Variants in AMPD3 observed in about 807,000 individuals in gnomAD.
AMPD3 encodes AMP deaminase 3.
In AMPD3, 57 loss-of-function variants were observed where a neutral mutation model predicts 82.3. The ratio of observed to expected loss-of-function variants is 0.69; its 90% confidence interval spans 0.56 to 0.86. The LOEUF (loss-of-function observed/expected upper bound fraction) is 0.86, where lower values mean the gene tolerates loss of function less well. AMPD3 is among the 40% of genes least tolerant of loss of function. The probability of loss-of-function intolerance (pLI) is 0.00; values close to 1 mark genes in which losing one functional copy is unlikely to be tolerated. For missense variants in AMPD3, 870 were observed against 1,003.8 expected, an observed-to-expected ratio of 0.87 and a Z score of 1.80; for synonymous variants, 381 against 394.7, an observed-to-expected ratio of 0.97 and a Z score of 0.41.
intron 6 of AMPD3, among the ~76,000 whole-genome samples, chr11:10,491,220 C>G (rs1409691740): frequency 6.6e-6 from 1 of 152,158 alleles, no homozygotes; most frequent in Non-Finnish European, 1.5e-5. Context: ...GTCGTCCTCC[C>G]CCGGAGCTCC....
intron 1 of AMPD3, among the ~76,000 whole-genome samples, chr11:10,459,714 A>G (rs1025423949): frequency 2.6e-5 from 4 of 152,136 alleles, no homozygotes; most frequent in East Asian, 3.9e-4. Flanking sequence ...TCCATTCCAC[A>G]AGTGTTATGC....
intron 2 of AMPD3, among the ~76,000 whole-genome samples, chr11:10,474,124 T>C (rs1342149247): frequency 1.3e-5 from 2 of 152,306 alleles, no homozygotes; most frequent in East Asian, 3.9e-4. Context: ...CCAACCACAC[T>C]GTATGATAAT....
intron 3 of AMPD3, among the ~76,000 whole-genome samples, chr11:10,480,187 G>A (rs1300335148): frequency 1.3e-5 from 2 of 152,250 alleles, no homozygotes; most frequent in African/African-American, 4.8e-5. Context: ...CACGCAGTAG[G>A]TCTGCTGTCA....
intron 2 of AMPD3, among the ~76,000 whole-genome samples, chr11:10,469,873 T>C (rs1156448504): frequency 6.6e-6 from 1 of 151,828 alleles, no homozygotes; most frequent in East Asian, 1.9e-4. Context: ...ACCCCGTCTC[T>C]ACTAAAAATA....
In AMPD3 at chr11:10,456,007, C is replaced by G. The variant is rs1848082405; in HGVS notation, c.-6+559C>G. 1 of 985,278 alleles carries G rather than the reference C, an allele frequency of 1.0e-6. No homozygotes were observed. The highest frequency in any genetic ancestry group is 1.2e-6 in the Non-Finnish European group (1 of 829,936). 61.0% of individuals were successfully genotyped at this position (985,278 alleles called of 1,614,324 possible). A position where few individuals can be genotyped will look rare whatever the true frequency, so the allele number is the denominator to read the frequency against. On this transcript the variant is annotated intron_variant, in intron 1 of 14. Transcript: ENST00000396553. This position sits in a 1 kb window ranked among gnomAD's most constrained non-coding sequence, Gnocchi z 4.3. Reference sequence around the variant, plus strand: ...GGAGGCTGTGGCTTATCTCCTGCAGCTGGGCAGGACGGCTGAGTTTACTGT... The same window carrying G: ...GGAGGCTGTGGCTTATCTCCTGCAGGTGGGCAGGACGGCTGAGTTTACTGT...
At chr11:10,465,865 G>C (rs770167783) in intron 2 of AMPD3, among the ~76,000 whole-genome samples, 1 of 146,930 alleles carries the variant, frequency 6.8e-6, no homozygotes, top group East Asian at 2.0e-4. Flanking sequence ...CGCCTGGAGC[G>C]CCAGCAAGAC....
intron 2 of AMPD3, among the ~76,000 whole-genome samples, chr11:10,467,051 T>A (rs898430760): frequency 2.0e-5 from 3 of 152,148 alleles, no homozygotes; most frequent in Non-Finnish European, 2.9e-5. Context: ...TCCACGAAGA[T>A]GGGGATGTAA....
chr11:10,461,622 A>G lies in AMPD3; in HGVS notation c.103A>G (p.Lys35Glu). ...TAAAGTGCTCCGAGAAGAGGACAGC[A>G]AAGATGCCCTGTCCCTGTTCACTGT... ...FAKVLREEDS[K>E]DALSLFTVPE... Residue 35 changes from lysine (K) to glutamate (E), a missense_variant, in exon 2 of 15, where the codon AAA becomes GAA. Lys to Glu is a moderately conservative substitution (Grantham distance 56, BLOSUM62 1). Transcript: ENST00000396553. 6.2e-7 allele frequency: 1 copy of G among 1,614,272 alleles called. No individual in the cohort carries two copies. The highest frequency in any genetic ancestry group is 8.5e-7 in the Non-Finnish European group (1 of 1,180,046).
Position 10,505,942 on chromosome 11 carries a change from A to G in AMPD3, c.*58A>G. On this transcript the variant is annotated 3_prime_UTR_variant, in exon 15 of 15. Coordinates refer to ENST00000396553, the MANE Select transcript of AMPD3 (RefSeq NM_001025389.2). The stretch of plus-strand genomic sequence containing the variant: ...GTTCAATTTCAAGTCTGCTGTGGCT[A>G]ATAGTGGTCAAGATTCCGAACTAGG... 1 of 1,595,370 alleles carries G rather than the reference A, an allele frequency of 6.3e-7. No homozygotes were observed. Among genetic ancestry groups the G allele is most frequent in the South Asian group, 1.1e-5 (1 of 90,632 alleles).
rs1375463340 is a variant in AMPD3, at chr11:10,506,595, G to A, written c.*711G>A. The stretch of plus-strand genomic sequence containing the variant: ...TTTAGGGTAGGGGAGGGAAGGGAGT[G>A]AGTGATGCTCAGGGGCTGTCAAAGT... On this transcript the variant is annotated 3_prime_UTR_variant, in exon 15 of 15. Transcript: ENST00000396553. This position sits in a 1 kb window ranked among gnomAD's most constrained non-coding sequence, Gnocchi z 4.1. 1 of 153,590 alleles carries A rather than the reference G, an allele frequency of 6.5e-6. No homozygotes were observed. The highest frequency in any genetic ancestry group is 1.9e-4 in the East Asian group (1 of 5,194). 9.5% of individuals were successfully genotyped at this position (153,590 alleles called of 1,614,324 possible).
chr11:10,456,053 T>G lies in AMPD3; in HGVS notation c.-6+605T>G. 9.4e-7 allele frequency: 1 copy of G among 1,066,844 alleles called. No homozygotes were observed. Among genetic ancestry groups the G allele is most frequent in the Non-Finnish European group, 1.1e-6 (1 of 881,770 alleles). The allele number at this position is 1,066,844 out of a possible 1,614,324, so 66.1% of individuals were successfully genotyped here. A position where few individuals can be genotyped will look rare whatever the true frequency, so the allele number is the denominator to read the frequency against. On this transcript the variant is annotated intron_variant, in intron 1 of 14. Transcript: ENST00000396553. This position sits in a 1 kb window ranked among gnomAD's most constrained non-coding sequence, Gnocchi z 4.3. ...ACTGTTGTAAAGAGGAAGCCGCCGC[T>G]TTAGTTTCCTCTTGTGAGGGCTGTG... is the stretch of plus-strand genomic sequence containing the variant.
In AMPD3 at chr11:10,505,805, G is replaced by A. The variant is rs1375048503; in HGVS notation, c.2225G>A (p.Arg742Gln). The A allele has an allele frequency of 4.3e-6, 7 of 1,614,044 alleles. No homozygotes were observed. Among genetic ancestry groups the A allele is most frequent in the African/African-American group, 2.7e-5 (2 of 74,926 alleles). Residue 742 changes from arginine (R) to glutamine (Q), a missense_variant, in exon 15 of 15, where the codon CGA becomes CAA. Arg to Gln is a conservative substitution (Grantham distance 43, BLOSUM62 1). Coordinates refer to ENST00000396553, the MANE Select transcript of AMPD3 (RefSeq NM_001025389.2). Reference sequence around the variant, plus strand: ...GTGGCTCAGATCCGGATGGCATTCCGATATGAGACCTTATGCAATGAGCTC... The same window carrying A: ...GTGGCTCAGATCCGGATGGCATTCCAATATGAGACCTTATGCAATGAGCTC... ...TNVAQIRMAF[R>Q]YETLCNELSF... is the part of the protein sequence containing the mutation.
intron 2 of AMPD3, among the ~76,000 whole-genome samples, chr11:10,475,870 G>C (rs892086145): frequency 3.3e-5 from 5 of 152,222 alleles, no homozygotes; most frequent in Middle Eastern, 3.4e-3. Context: ...AGCCTTGTGG[G>C]CACTAGACCT....
intron 6 of AMPD3, among the ~76,000 whole-genome samples, chr11:10,489,570 C>T (rs1262105548): frequency 6.6e-6 from 1 of 152,060 alleles, no homozygotes; most frequent in Admixed American, 6.5e-5. Flanking sequence ...ATATCTATGA[C>T]CCAGTGGCCT....
chr11:10,460,053 A>G (rs1225864984), intron 1 of AMPD3, among the ~76,000 whole-genome samples: 1 of 106,538 alleles, frequency 9.4e-6, no homozygotes, highest in Non-Finnish European at 2.0e-5. Context: ...TATATATTAT[A>G]TATAATATAT....
In AMPD3 at chr11:10,482,050, C is replaced by T. The variant is rs374707086; in HGVS notation, c.427-13C>T. 7.6e-4 allele frequency: 1,222 copies of T among 1,614,072 alleles called. 5 individuals carry two copies. Among genetic ancestry groups the T allele is most frequent in the Non-Finnish European group, 1.0e-3 (1,197 of 1,180,044 alleles). ...GCTGCATGAACCCTTTCCTGCCTGC[C>T]TCCCTTCTGCAGATCACTTTGGAGG... is the stretch of plus-strand genomic sequence containing the variant. On this transcript the variant is annotated splice_polypyrimidine_tract_variant and intron_variant, in intron 3 of 14. Coordinates refer to ENST00000396553, the MANE Select transcript of AMPD3 (RefSeq NM_001025389.2).
At chr11:10,482,687 ATATATAT>A (rs67126274) in intron 4 of AMPD3, among the ~76,000 whole-genome samples, 105,669 of 151,124 alleles carry the variant, frequency 0.7, 37,043 homozygotes, top group Admixed American at 0.76. Flanking sequence ...AATTAAAAAA[ATATATAT>A]TATTATGTTT....
At position 10,456,006 on chromosome 11, in the gene AMPD3, G is replaced by A; in HGVS notation, c.-6+558G>A. The A allele has an allele frequency of 3.0e-6, 3 of 985,444 alleles. No individual in the cohort carries two copies. Among genetic ancestry groups the A allele is most frequent in the Non-Finnish European group, 3.6e-6 (3 of 829,942 alleles). The allele number at this position is 985,444 out of a possible 1,614,324, so 61.0% of individuals were successfully genotyped here. On this transcript the variant is annotated intron_variant, in intron 1 of 14. Coordinates refer to ENST00000396553, the MANE Select transcript of AMPD3 (RefSeq NM_001025389.2). This position sits in a 1 kb window ranked among gnomAD's most constrained non-coding sequence, Gnocchi z 4.3. ...GGGAGGCTGTGGCTTATCTCCTGCA[G>A]CTGGGCAGGACGGCTGAGTTTACTG...
intron 10 of AMPD3, chr11:10,499,884 G>T: frequency 1.0e-6 from 1 of 985,244 alleles, no homozygotes; most frequent in Non-Finnish European, 1.2e-6. Context: ...TGGAAGCTCC[G>T]AAGGGGCAGA....
Sources: gnomAD v4.1 joint callset for allele counts (sites outside exome capture counted in the v4.1 genomes callset) on GRCh38, gnomAD v4.1.1 for gene constraint, Gnocchi (gnomAD v3.1) non-coding constraint, MANE v1.5 for transcripts, NCBI Gene and HGNC (gene_info 2026-07-23, HGNC 2026-07-21) for gene names.